The following NCOR2 variants were observed in gnomAD, a reference collection of about 807,000 sequenced individuals.
NCOR2 encodes CTG repeat protein 26.
A neutral mutation model predicts 262.9 loss-of-function variants in NCOR2; 81 were observed. The ratio of observed to expected loss-of-function variants is 0.31; its 90% CI spans 0.26 to 0.37. The LOEUF (loss-of-function observed/expected upper bound fraction) is 0.37. Among genes scored for constraint, NCOR2 ranks in the 10% least tolerant of loss-of-function variants. The pLI is 1.00. For missense variants in NCOR2, 3,385 were observed against 3,621.4 expected (o/e 0.93, Z 1.68); for synonymous variants, 1,659 against 1,559.3 (o/e 1.06, Z -1.51).
At chr12:124,562,080 T>C (rs927818522) in intron 1 of NCOR2, 3 of 152,182 alleles carry the variant, frequency 2.0e-5, no homozygotes, top group African/African-American at 7.2e-5. Flanking sequence ...GCCCAGGCCC[T>C]GCTCCGAAAC....
chr12:124,477,060 T>C (rs2047139737), intron 3 of NCOR2, among the ~76,000 whole-genome samples: 1 of 151,762 alleles, frequency 6.6e-6, no homozygotes, highest in Non-Finnish European at 1.5e-5. Context: ...TCCAGAGAGA[T>C]GGACAGTGAT....
chr12:124,495,147 C>T lies in NCOR2; in HGVS notation c.105G>A (p.Thr35=), dbSNP rs200301063. 91 of 1,613,794 alleles carry T rather than the reference C, an allele frequency of 5.6e-5. No homozygotes were observed. The African/African-American group carries it at 8.7e-4, about 15-fold the overall frequency. The change falls in exon 1 of 47, where the codon ACG becomes ACA. Residue 35 remains threonine (T), a splice_region_variant and synonymous_variant. Coordinates refer to ENST00000405201, the Ensembl canonical transcript of NCOR2. The surrounding 1 kb of genome is among the most constrained non-coding windows in gnomAD (Gnocchi z 4.4). ...GGCGCACACATGTGCACCCCCTTACCGTGTGCGTCCGGGCGATCTGCACTG... is the reference window on the plus strand; with the variant it reads ...GGCGCACACATGTGCACCCCCTTACTGTGTGCGTCCGGGCGATCTGCACTG...
rs7956010 is a variant in NCOR2 at position 124,392,079 on chromosome 12, C to T, written c.1876+6040G>A. ...ACGCGTGTGGAGGGCCTGCCTTGTT[C>T]GTGAGCACCAGCCACGCCACGTGAC... On this transcript the variant is annotated intron_variant, in intron 16 of 46. Coordinates refer to ENST00000405201, the Ensembl canonical transcript of NCOR2. Among the ~76,000 whole-genome samples the T allele has an allele frequency of 4.1e-3, 624 of 152,328 alleles. 5 individuals carry two copies. Among genetic ancestry groups the T allele is most frequent in the African/African-American group, 0.014 (591 of 41,580 alleles).
At chr12:124,495,439 G>A (rs575592291), upstream of NCOR2, 101 of 1,220,762 alleles carry the variant, frequency 8.3e-5, 1 homozygote, top group South Asian at 6.1e-4. This position sits in a 1 kb window ranked among gnomAD's most constrained non-coding sequence, Gnocchi z 4.4. Flanking sequence ...ACAGGTCCCC[G>A]AGTCGTTCCT....
At chr12:124,475,105 C>T (rs945170642) in intron 3 of NCOR2, among the ~76,000 whole-genome samples, 1 of 152,160 alleles carries the variant, frequency 6.6e-6, no homozygotes, top group Admixed American at 6.5e-5. Context: ...TTAGGTTTGC[C>T]TCTGGCCTCT....
At chr12:124,455,427 C>T (rs528713088) in intron 6 of NCOR2, among the ~76,000 whole-genome samples, 4 of 152,284 alleles carry the variant, frequency 2.6e-5, no homozygotes, top group African/African-American at 4.8e-5. Flanking sequence ...GGGAGCCCAG[C>T]GAGGTTCCTG....
chr12:124,375,880 C>A (rs949993942), intron 18 of NCOR2, among the ~76,000 whole-genome samples: 1 of 152,214 alleles, frequency 6.6e-6, no homozygotes, highest in Admixed American at 6.5e-5. Context: ...CCACTGCCCC[C>A]GGGGAGGGGC....
At chr12:124,340,345 A>T in exon 36 of NCOR2, 1 of 1,612,804 alleles carries the variant, frequency 6.2e-7, no homozygotes, top group Non-Finnish European at 8.5e-7. Context: ...GTGAGGATGG[A>T]CTTTTCCCGC....
chr12:124,392,385 G>C (rs2041366201), intron 16 of NCOR2, among the ~76,000 whole-genome samples: 1 of 152,154 alleles, frequency 6.6e-6, no homozygotes, highest in Non-Finnish European at 1.5e-5. Flanking sequence ...ACCAGCCCCA[G>C]ACATGCACCC....
chr12:124,413,084 G>A (rs982975037), intron 13 of NCOR2, among the ~76,000 whole-genome samples: 4 of 152,172 alleles, frequency 2.6e-5, no homozygotes, highest in Admixed American at 6.5e-5. Flanking sequence ...CCCCTCCCTC[G>A]GGATCCCACC....
intron 4 of NCOR2, among the ~76,000 whole-genome samples, chr12:124,472,663 G>A (rs972948335): frequency 6.6e-6 from 1 of 152,112 alleles, no homozygotes; most frequent in Admixed American, 6.5e-5. Flanking sequence ...CTATTCAAAG[G>A]CACATTTAAT....
intron 1 of NCOR2, among the ~76,000 whole-genome samples, chr12:124,550,978 A>C (rs701023): frequency 0.21 from 32,198 of 152,248 alleles, 3,609 homozygotes; most frequent in African/African-American, 0.26. Context: ...CCATGACAAA[A>C]TACTACAAGA....
chr12:124,430,520 G>A, intron 9 of NCOR2, 95 bp downstream of exon 11: 1 of 1,462,862 alleles, frequency 6.8e-7, no homozygotes, highest in Non-Finnish European at 9.2e-7. Context: ...CTGCTGTGCT[G>A]TTCTGTTCCT....
chr12:124,510,526 G>A (rs957374839), intron 1 of NCOR2, among the ~76,000 whole-genome samples: 8 of 152,186 alleles, frequency 5.3e-5, no homozygotes, highest in Non-Finnish European at 7.3e-5. Flanking sequence ...CAGAGAGGCC[G>A]AGCAACTTGC....
Position 124,374,410 on chromosome 12 carries a change from T to A in NCOR2, c.2218+3A>T, listed in dbSNP as rs367706998. 1 of 1,612,772 alleles carries A rather than the reference T, an allele frequency of 6.2e-7. No individual in the cohort carries two copies. Among genetic ancestry groups the A allele is most frequent in the Non-Finnish European group, 8.5e-7 (1 of 1,179,734 alleles). ...CCCCCAGGCCAGCCGGCCACATTCG[T>A]ACCTGGGCCACTGCATTCCCCTCTG... is the stretch of plus-strand genomic sequence containing the variant. On this transcript the variant is annotated splice_donor_region_variant and intron_variant, in intron 19 of 46. Coordinates refer to ENST00000405201, the Ensembl canonical transcript of NCOR2.
At chr12:124,405,610 C>T (rs891983733) in intron 13 of NCOR2, among the ~76,000 whole-genome samples, 1 of 152,216 alleles carries the variant, frequency 6.6e-6, no homozygotes, top group Admixed American at 6.5e-5. Context: ...TGGGACAGAC[C>T]CCGGCAGCCT....
intron 5 of NCOR2, among the ~76,000 whole-genome samples, chr12:124,465,038 T>C (rs2046350156): frequency 6.6e-6 from 1 of 152,156 alleles, no homozygotes; most frequent in Non-Finnish European, 1.5e-5. Context: ...GATCCAGTAG[T>C]TCCCTGCCTC....
intron 9 of NCOR2, 95 bp downstream of exon 11, chr12:124,430,519 TG>T: frequency 6.9e-7 from 1 of 1,445,402 alleles, no homozygotes; most frequent in Non-Finnish European, 9.3e-7. Flanking sequence ...GCTGCTGTGC[TG>T]TTCTGTTCCT....
chr12:124,495,104 G>A lies in NCOR2; in HGVS notation c.105+43C>T. On this transcript the variant is annotated intron_variant, in intron 1 of 46. Coordinates refer to ENST00000405201, the Ensembl canonical transcript of NCOR2. The surrounding 1 kb of genome is among the most constrained non-coding windows in gnomAD (Gnocchi z 4.4). ...GAAGACTCAGTGGAATGGAAGAAGG[G>A]TCTCAAAGGTAGCCCCAGGCGCACA... The A allele has an allele frequency of 6.2e-7, 1 of 1,603,626 alleles. No individual in the cohort carries two copies. Among genetic ancestry groups the A allele is most frequent in the Non-Finnish European group, 8.5e-7 (1 of 1,174,554 alleles).
Sources: allele counts gnomAD v4.1 joint callset (sites outside exome capture counted in the v4.1 genomes callset), GRCh38; gene constraint gnomAD v4.1.1; non-coding constraint Gnocchi (gnomAD v3.1); transcripts MANE v1.5; gene names NCBI Gene and HGNC (gene_info 2026-07-23, HGNC 2026-07-21).